The following RGS6 variants were observed in gnomAD, a reference collection of about 807,000 sequenced individuals.
RGS6 encodes the protein regulator of G-protein signaling 6.
In RGS6, 30 loss-of-function variants were observed where a neutral mutation model predicts 78.5. That is an observed-to-expected ratio of 0.38 (90% confidence interval 0.29 to 0.52). The LOEUF is 0.52. Among genes scored for constraint, RGS6 ranks in the 20% least tolerant of loss-of-function variants. The probability of loss-of-function intolerance (pLI) is 0.85; values close to 1 mark genes in which losing one functional copy is unlikely to be tolerated. For missense variants in RGS6, 495 were observed against 609.7 expected, an observed-to-expected ratio of 0.81 and a Z score of 1.98; for synonymous variants, 206 against 206.0, an observed-to-expected ratio of 1.00 and a Z score of 0.00.
At chr14:71,989,633 C>T (rs938519900) in intron 2 of RGS6, among the ~76,000 whole-genome samples, 1 of 152,190 alleles carries the variant, frequency 6.6e-6, no homozygotes, top group Non-Finnish European at 1.5e-5. Flanking sequence ...ACCTCTTGAC[C>T]TGGGGTCTGG....
chr14:72,612,170 T>TG, the RGS6 span, among the ~76,000 whole-genome samples: 12 of 152,074 alleles, frequency 7.9e-5, no homozygotes, highest in African/African-American at 2.9e-4. Flanking sequence ...GGCAGATGAG[T>TG]GGGGGGCAGC....
rs973899536 is a variant in RGS6 at position 72,197,280 on chromosome 14, A to G, written c.85-154815A>G. On this transcript the variant is annotated intron_variant, in intron 2 of 17. Coordinates refer to ENST00000553525, the MANE Select transcript of RGS6 (RefSeq NM_001204424.2). ...GGGGTTTTACTGTGTTAGCCAGGCT[A>G]GTCTCAAACTCCTGACATAAAGTGA... Among the ~76,000 whole-genome samples the G allele has an allele frequency of 3.3e-5, 5 of 152,170 alleles. No homozygotes were observed. In the East Asian group the frequency reaches 5.8e-4, roughly 18 times the overall value.
the RGS6 span, chr14:72,619,181 A>G: frequency 9.6e-7 from 1 of 1,046,290 alleles, no homozygotes; most frequent in African/African-American, 1.6e-5. Context: ...CTCTGGGACT[A>G]TTTCTTTTCC....
intron 2 of RGS6, among the ~76,000 whole-genome samples, chr14:72,324,577 T>TCGTG (rs1362480678): frequency 2.0e-5 from 3 of 148,154 alleles, no homozygotes; most frequent in African/African-American, 7.5e-5. Context: ...CATTGTTCAA[T>TCGTG]TCCCACCTAT....
At chr14:72,396,873 C>G (rs1342710141) in intron 3 of RGS6, among the ~76,000 whole-genome samples, 1 of 152,156 alleles carries the variant, frequency 6.6e-6, no homozygotes, top group Non-Finnish European at 1.5e-5. Context: ...GGCATTATTT[C>G]TAAGAGCTCT....
intron 1 of RGS6, among the ~76,000 whole-genome samples, chr14:71,937,125 T>G (rs1206648236): frequency 6.6e-6 from 1 of 152,236 alleles, no homozygotes; most frequent in South Asian, 2.1e-4. Flanking sequence ...AGTAGACTGA[T>G]TTCCTCTTGA....
At position 72,161,055 on chromosome 14, in the gene RGS6, G is replaced by T. The variant is rs540573840; in HGVS notation, c.85-191040G>T. Among the ~76,000 whole-genome samples, 362 of 152,316 alleles carry T rather than the reference G, an allele frequency of 2.4e-3. 1 individual carries two copies. The highest frequency in any genetic ancestry group is 8.5e-3 in the African/African-American group (354 of 41,570). On this transcript the variant is annotated intron_variant, in intron 2 of 17. Coordinates refer to ENST00000553525, the MANE Select transcript of RGS6 (RefSeq NM_001204424.2). The stretch of plus-strand genomic sequence containing the variant: ...GCACATATACACCATGGAATGCTAT[G>T]CAGCCATAAAAGAGGATGAGTTCGT...
rs559315041 is a variant in RGS6 at position 72,073,763 on chromosome 14, C to T, written c.84+108888C>T. Among the ~76,000 whole-genome samples, 23 of 152,218 alleles carry T rather than the reference C, an allele frequency of 1.5e-4. No individual in the cohort carries two copies. The South Asian group carries it at 1.9e-3, about 12-fold the overall frequency. On this transcript the variant is annotated intron_variant, in intron 2 of 17. Coordinates refer to ENST00000553525, the MANE Select transcript of RGS6 (RefSeq NM_001204424.2). ...CAAATTTTATAATGAAACAATGTTA[C>T]TGTAGGACCTGCTGTATAATATATA...
chr14:72,354,864 G>A (rs541465057), intron 3 of RGS6, among the ~76,000 whole-genome samples: 1 of 152,138 alleles, frequency 6.6e-6, no homozygotes, highest in African/African-American at 2.4e-5. Context: ...TAAAATTTAT[G>A]TAAATGAAAT....
At chr14:72,629,683 A>T in the RGS6 span, 2 of 1,535,994 alleles carry the variant, frequency 1.3e-6, no homozygotes, top group Non-Finnish European at 1.7e-6. Context: ...TGCCACTTGT[A>T]GGTCTTGACA....
chr14:72,226,748 G>A (rs892166861), intron 2 of RGS6, among the ~76,000 whole-genome samples: 16 of 152,220 alleles, frequency 1.1e-4, no homozygotes, highest in Non-Finnish European at 2.1e-4. Flanking sequence ...TGTAGCCCAG[G>A]CTGGAGTGCA....
intron 2 of RGS6, among the ~76,000 whole-genome samples, chr14:72,120,996 TG>T (rs1272795115): frequency 6.6e-6 from 1 of 152,208 alleles, no homozygotes; most frequent in African/African-American, 2.4e-5. Flanking sequence ...GAGGGAGATT[TG>T]CTCAGTTCCC....
chr14:72,449,406 C>T (rs1409261430), intron 3 of RGS6, among the ~76,000 whole-genome samples: 1 of 152,178 alleles, frequency 6.6e-6, no homozygotes, highest in African/African-American at 2.4e-5. Flanking sequence ...TGATAGAATG[C>T]TTTGGGAAGA....
In RGS6 at chr14:72,272,008, C is replaced by G. The variant is rs186779538; in HGVS notation, c.85-80087C>G. On this transcript the variant is annotated intron_variant, in intron 2 of 17. Coordinates refer to ENST00000553525, the MANE Select transcript of RGS6 (RefSeq NM_001204424.2). ...ACTGGGATAATCGAGGATAATCTTC[C>G]TATTTTAAGAACAGCCAATTGACAA... Among the ~76,000 whole-genome samples the G allele has an allele frequency of 2.2e-3, 339 of 151,852 alleles. 2 individuals carry two copies. The highest frequency in any genetic ancestry group is 2.3e-3 in the Non-Finnish European group (157 of 67,980).
chr14:72,312,795 G>C (rs774090882), intron 2 of RGS6, among the ~76,000 whole-genome samples: 1 of 152,266 alleles, frequency 6.6e-6, no homozygotes, highest in Non-Finnish European at 1.5e-5. Context: ...ATGGTAGCTG[G>C]AAGACCAAGC....
At chr14:72,236,684 G>A (rs970790804) in intron 2 of RGS6, among the ~76,000 whole-genome samples, 3 of 152,066 alleles carry the variant, frequency 2.0e-5, no homozygotes, top group East Asian at 1.9e-4. Flanking sequence ...TGGAGGGGCC[G>A]GGCAGAGGCC....
chr14:72,163,860 G>A (rs887962209), intron 2 of RGS6, among the ~76,000 whole-genome samples: 2 of 146,836 alleles, frequency 1.4e-5, no homozygotes, highest in South Asian at 2.2e-4. Flanking sequence ...TCCAGCCTGG[G>A]CAACAGAGTG....
intron 17 of RGS6, among the ~76,000 whole-genome samples, chr14:72,546,981 G>T (rs958221687): frequency 1.3e-5 from 2 of 152,230 alleles, no homozygotes; most frequent in African/African-American, 4.8e-5. Context: ...GTCTCGGCAT[G>T]CTTGTCACTT....
At chr14:72,546,998 T>C (rs1315471132) in intron 17 of RGS6, among the ~76,000 whole-genome samples, 1 of 152,118 alleles carries the variant, frequency 6.6e-6, no homozygotes, top group Non-Finnish European at 1.5e-5. Context: ...ACTTGTGCAG[T>C]CAGACCCCAG....
Sources: gnomAD v4.1 joint callset for allele counts (sites outside exome capture counted in the v4.1 genomes callset) on GRCh38, gnomAD v4.1.1 for gene constraint, MANE v1.5 for transcripts, NCBI Gene and HGNC (gene_info 2026-07-23, HGNC 2026-07-21) for gene names.